GOLGA4: variants seen among roughly 807,000 people sequenced by gnomAD.
GOLGA4 encodes golgin A4.
GOLGA4 carries 169 observed loss-of-function variants against 265.9 expected under a neutral mutation model. The observed-to-expected ratio is 0.64, with a 90% CI of 0.56 to 0.72. The LOEUF is 0.72. Ranked by LOEUF, GOLGA4 falls within the 30% of genes least tolerant of loss-of-function variation. The pLI is 0.00. For missense variants in GOLGA4, 2,482 were observed against 2,483.4 expected (o/e 1.00, Z 0.01); for synonymous variants, 923 against 855.8 (o/e 1.08, Z -1.37).
intron 3 of GOLGA4, among the ~76,000 whole-genome samples, 162 bp from the exon 4 acceptor site, chr3:37,285,852 T>C (rs568993242): frequency 6.6e-6 from 1 of 152,382 alleles, no homozygotes; most frequent in Non-Finnish European, 1.5e-5. Flanking sequence ...TTTAGAAATG[T>C]ATGTCCTATG....
At chr3:37,328,295 C>T in intron 14 of GOLGA4, 121 bp from the exon 15 acceptor site, 2 of 882,430 alleles carry the variant, frequency 2.3e-6, no homozygotes, top group Non-Finnish European at 3.6e-6. Context: ...CTCTCTCTCT[C>T]TCTCTCAAAA....
At chr3:37,337,203 T>G (rs1254284232) in intron 18 of GOLGA4, 40 bp downstream of exon 18, 1 of 1,100,406 alleles carries the variant, frequency 9.1e-7, no homozygotes, top group African/African-American at 1.6e-5. Flanking sequence ...CTTTTTTTTC[T>G]TTGAGACAGA....
intron 4 of GOLGA4, 86 bp downstream of exon 4, chr3:37,286,147 T>TG (rs2096848487): frequency 1.6e-6 from 1 of 636,140 alleles, no homozygotes; most frequent in Non-Finnish European, 2.6e-6. Flanking sequence ...TCTTTTTTTT[T>TG]TTTTTTTTTT....
chr3:37,267,567 G>A (rs983645152), intron 2 of GOLGA4, among the ~76,000 whole-genome samples: 2 of 152,158 alleles, frequency 1.3e-5, no homozygotes, highest in Non-Finnish European at 2.9e-5. Flanking sequence ...TATCTGGTAA[G>A]CTCATAATTT....
At chr3:37,340,028 C>T (rs1479029728) in intron 19 of GOLGA4, 96 bp from the exon 20 acceptor site, 11 of 580,920 alleles carry the variant, frequency 1.9e-5, no homozygotes, top group Non-Finnish European at 3.4e-5. Flanking sequence ...ATTCTGTCTT[C>T]AGCATTAAAA....
At position 37,334,942 on chromosome 3, in the gene GOLGA4, G is replaced by GGT. The variant is rs1382209949; in HGVS notation, c.6193-110_6193-109dup. On this transcript the variant is annotated intron_variant, in intron 16 of 23. Transcript: ENST00000361924. ...ACTTAAATGTTTATTTCCCTACAGAGGTAGTTTTCTCTATACCATGTTGCC... is the reference window on the plus strand; with the variant it reads ...ACTTAAATGTTTATTTCCCTACAGAGGTGTAGTTTTCTCTATACCATGTTGCC... 7 of 609,016 alleles carry GGT rather than the reference G, an allele frequency of 1.1e-5. No individual in the cohort carries two copies. The African/African-American group carries it at 1.3e-4, about 11-fold the overall frequency. 37.7% of individuals were successfully genotyped at this position (609,016 alleles called of 1,614,324 possible). A position where few individuals can be genotyped will look rare whatever the true frequency, so the allele number is the denominator to read the frequency against.
chr3:37,303,110 A>G (rs1271844400), intron 10 of GOLGA4, among the ~76,000 whole-genome samples: 1 of 152,250 alleles, frequency 6.6e-6, no homozygotes, highest in African/African-American at 2.4e-5. Flanking sequence ...ATCAGCTGAA[A>G]ACCATTCTTG....
Position 37,276,059 on chromosome 3 carries a change from C to T in GOLGA4, c.163-5899C>T, listed in dbSNP as rs56886561. On this transcript the variant is annotated intron_variant, in intron 2 of 23. Coordinates refer to ENST00000361924, the MANE Select transcript of GOLGA4 (RefSeq NM_002078.5). Reference sequence around the variant, plus strand: ...CAACAGAAAGGATGAGACAAATGCTCGAGATACTTATGTTTCATCCTTTCC... The same window carrying T: ...CAACAGAAAGGATGAGACAAATGCTTGAGATACTTATGTTTCATCCTTTCC... 2,224 of 1,612,514 alleles carry T rather than the reference C, an allele frequency of 1.4e-3. 27 individuals carry two copies. In the African/African-American group the frequency reaches 0.025, roughly 18 times the overall value.
At chr3:37,289,344 C>A in intron 5 of GOLGA4, 53 bp downstream of exon 5, 1 of 1,118,576 alleles carries the variant, frequency 8.9e-7, no homozygotes, top group South Asian at 1.3e-5. Context: ...TCATATTTAT[C>A]AGAACTGTTG....
chr3:37,307,567 T>TA (rs2096910185), intron 10 of GOLGA4, among the ~76,000 whole-genome samples: 1 of 152,144 alleles, frequency 6.6e-6, no homozygotes, highest in Admixed American at 6.5e-5. Flanking sequence ...GGGTAAGGGC[T>TA]ATTTTTTTTC....
intron 22 of GOLGA4, among the ~76,000 whole-genome samples, chr3:37,358,408 G>A (rs967396229): frequency 6.6e-6 from 1 of 152,020 alleles, no homozygotes; most frequent in Non-Finnish European, 1.5e-5. Flanking sequence ...ACCTAGTCTC[G>A]AGTAGATTTT....
At chr3:37,336,415 A>G (rs1308671907) in intron 17 of GOLGA4, among the ~76,000 whole-genome samples, 1 of 152,104 alleles carries the variant, frequency 6.6e-6, no homozygotes, top group African/African-American at 2.4e-5. Context: ...ACATTATGAA[A>G]TAAGAAGGAC....
intron 2 of GOLGA4, among the ~76,000 whole-genome samples, chr3:37,279,679 G>A (rs1021134205): frequency 6.6e-6 from 1 of 152,128 alleles, no homozygotes; most frequent in African/African-American, 2.4e-5. Context: ...GGCTGAGGTC[G>A]GCAGATCACC....
Position 37,243,300 on chromosome 3 carries a change from C to G in GOLGA4, c.-251C>G, listed in dbSNP as rs2096707742. ...CACCTGCTGCCGTTGTCGTCGCCGC[C>G]GCGGCTCCCGGGGCTGGATGGGGGG... On this transcript the variant is annotated 5_prime_UTR_variant, in exon 1 of 24. Transcript: ENST00000361924. The G allele has an allele frequency of 5.5e-6, 3 of 547,660 alleles. No individual in the cohort carries two copies. Among genetic ancestry groups the G allele is most frequent in the African/African-American group, 2.0e-5 (1 of 50,858 alleles). The allele number at this position is 547,660 out of a possible 1,614,324, so 33.9% of individuals were successfully genotyped here.
At chr3:37,350,779 A>C (rs772025656) in intron 21 of GOLGA4, among the ~76,000 whole-genome samples, 6 of 152,240 alleles carry the variant, frequency 3.9e-5, no homozygotes, top group Admixed American at 2.6e-4. Flanking sequence ...ACTGTAGCCT[A>C]TTAAGTGTTC....
At chr3:37,253,354 T>A (rs1223286137) in intron 2 of GOLGA4, among the ~76,000 whole-genome samples, 1 of 151,920 alleles carries the variant, frequency 6.6e-6, no homozygotes, top group African/African-American at 2.4e-5. Flanking sequence ...AGGGAAATGA[T>A]GAAAAAATTA....
chr3:37,347,062 A>G lies in GOLGA4; in HGVS notation c.6473-131A>G, dbSNP rs988089925. 2.1e-5 allele frequency: 12 copies of G among 585,098 alleles called. No homozygotes were observed. The Admixed American group carries it at 2.9e-4, about 14-fold the overall frequency. The allele number at this position is 585,098 out of a possible 1,614,324, so 36.2% of individuals were successfully genotyped here. A position where few individuals can be genotyped will look rare whatever the true frequency, so the allele number is the denominator to read the frequency against. ...TGTTTAGTGTGCATGTGTGTATACA[A>G]TGCAATATGATACAATATAAAAGCA... On this transcript the variant is annotated intron_variant, in intron 20 of 23. Transcript: ENST00000361924.
intron 3 of GOLGA4, among the ~76,000 whole-genome samples, chr3:37,284,658 TTGC>T (rs1479153323): frequency 6.6e-6 from 1 of 150,632 alleles, no homozygotes; most frequent in Non-Finnish European, 1.5e-5. Context: ...TCACCTTCCA[TTGC>T]TGCTTTTTTT....
chr3:37,299,133 T>C, intron 8 of GOLGA4, 113 bp downstream of exon 8: 1 of 1,014,956 alleles, frequency 9.9e-7, no homozygotes, highest in East Asian at 2.5e-5. Context: ...GGCATTTTTG[T>C]TTGCCCTGGC....
Sources: allele counts gnomAD v4.1 joint callset (sites outside exome capture counted in the v4.1 genomes callset), GRCh38; gene constraint gnomAD v4.1.1; transcripts MANE v1.5; gene names NCBI Gene and HGNC (gene_info 2026-07-23, HGNC 2026-07-21).